VPS13D: variants seen among roughly 807,000 people sequenced by gnomAD.
The protein encoded by VPS13D is vacuolar protein sorting 13 homolog D, also known as intermembrane lipid transfer protein VPS13D.
VPS13D carries 187 observed loss-of-function variants against 461.9 expected under a neutral mutation model. That is an observed-to-expected ratio of 0.40 (90% CI 0.36 to 0.46). The LOEUF is 0.46. Ranked by LOEUF, VPS13D falls within the 20% of genes least tolerant of loss-of-function variation. VPS13D has a pLI of 0.60. For missense variants in VPS13D, 4,711 were observed against 5,364.9 expected (o/e 0.88, Z 3.81); for synonymous variants, 1,951 against 1,986.3 (o/e 0.98, Z 0.47).
chr1:12,425,159 T>C (rs979144542), intron 65 of VPS13D, among the ~76,000 whole-genome samples: 1 of 152,144 alleles, frequency 6.6e-6, no homozygotes, highest in South Asian at 2.1e-4. Flanking sequence ...TCTTTCTACC[T>C]TATAATTGTT....
At chr1:12,341,424 A>G (rs560448467) in intron 40 of VPS13D, among the ~76,000 whole-genome samples, 58 of 152,196 alleles carry the variant, frequency 3.8e-4, no homozygotes, top group Non-Finnish European at 7.8e-4. Context: ...CATATGATAT[A>G]TCTTGCTACA....
intron 65 of VPS13D, among the ~76,000 whole-genome samples, chr1:12,438,837 C>G (rs1174114563): frequency 1.3e-5 from 2 of 152,204 alleles, no homozygotes; most frequent in Non-Finnish European, 2.9e-5. Context: ...ATAGCGCTAG[C>G]CACTTCATAG....
At chr1:12,365,433 T>A (rs1644020271) in intron 52 of VPS13D, among the ~76,000 whole-genome samples, 1 of 152,318 alleles carries the variant, frequency 6.6e-6, no homozygotes, top group African/African-American at 2.4e-5. Flanking sequence ...AGGCCGGGCA[T>A]GGTGGCTCAC....
intron 40 of VPS13D, among the ~76,000 whole-genome samples, chr1:12,339,510 C>T (rs1643521619): frequency 6.6e-6 from 1 of 152,128 alleles, no homozygotes; most frequent in African/African-American, 2.4e-5. Context: ...ATACGGGTAG[C>T]TTTAGACTCT....
At chr1:12,395,725 C>T (rs545773162) in intron 60 of VPS13D, among the ~76,000 whole-genome samples, 9 of 152,024 alleles carry the variant, frequency 5.9e-5, no homozygotes, top group African/African-American at 2.2e-4. Flanking sequence ...AAATCCTTGC[C>T]TCTCATGAGC....
Position 12,283,731 on chromosome 1 carries a change from C to T in VPS13D, c.5629C>T (p.Leu1877Phe). 1 of 1,611,236 alleles carries T rather than the reference C, an allele frequency of 6.2e-7. No homozygotes were observed. Among genetic ancestry groups the T allele is most frequent in the South Asian group, 1.1e-5 (1 of 90,960 alleles). ...LQDPVNTKLD[L>F]KVHSLSLVLN... ...GGATCCAGTGAACACCAAACTGGAT[C>T]TCAAGGTATCCTCAGTTCCCTTTGG... The change falls in exon 21 of 70, where the codon CTC becomes TTC. Residue 1877 changes from leucine to phenylalanine, a missense_variant. Coordinates refer to ENST00000620676, the MANE Select transcript of VPS13D (RefSeq NM_015378.4).
At position 12,460,304 on chromosome 1, in the gene VPS13D, T is replaced by G. The variant is rs1645392449; in HGVS notation, c.12570T>G (p.Val4190=). The stretch of plus-strand genomic sequence containing the variant: ...TATCTGGCCTTGGAAAAGGGCTTGT[T>G]GGCACTGTAACCAAGCCAGTGGCAG... The part of the protein sequence containing the change: ...GFISGLGKGL[V]GTVTKPVAGA... Residue 4190 remains valine, a synonymous_variant, in exon 67 of 70, where the codon GTT becomes GTG. Transcript: ENST00000620676. The G allele has an allele frequency of 3.1e-6, 5 of 1,612,638 alleles. No individual in the cohort carries two copies. The highest frequency in any genetic ancestry group is 4.2e-6 in the Non-Finnish European group (5 of 1,179,324).
At chr1:12,275,801 G>T (rs1462155970) in intron 18 of VPS13D, 24 bp from the exon 19 acceptor site, 2 of 1,540,022 alleles carry the variant, frequency 1.3e-6, no homozygotes, top group Non-Finnish European at 1.7e-6. Flanking sequence ...ACATATATTT[G>T]AATCTTCTTT....
rs1333342021 is a variant in VPS13D, at chr1:12,346,602, C to T, written c.9022-3C>T. 1 of 1,612,358 alleles carries T rather than the reference C, an allele frequency of 6.2e-7. No individual in the cohort carries two copies. The highest frequency in any genetic ancestry group is 8.5e-7 in the Non-Finnish European group (1 of 1,179,500). On this transcript the variant is annotated splice_region_variant and splice_polypyrimidine_tract_variant and intron_variant, in intron 43 of 69. Transcript: ENST00000620676. ...TGACTCTAACTTTTGAAATCTTTTT[C>T]AGATTGGCAGCCCAAGCAGCAGAAC...
intron 8 of VPS13D, 131 bp downstream of exon 8, chr1:12,256,634 G>GT: frequency 9.8e-7 from 1 of 1,015,596 alleles, no homozygotes; most frequent in East Asian, 2.7e-5. Flanking sequence ...CTAAAGTTGT[G>GT]TTAGGTATAA....
intron 6 of VPS13D, among the ~76,000 whole-genome samples, chr1:12,250,094 G>A (rs558971955): frequency 6.6e-6 from 1 of 152,286 alleles, no homozygotes; most frequent in South Asian, 2.1e-4. Context: ...ACTTACATTT[G>A]CTGGTTTATA....
chr1:12,301,738 CT>C (rs1338273070), intron 25 of VPS13D, among the ~76,000 whole-genome samples: 2 of 152,190 alleles, frequency 1.3e-5, no homozygotes, highest in African/African-American at 4.8e-5. Context: ...AGTTCCAACC[CT>C]CTAATCACAC....
At chr1:12,238,277 A>AT (rs1640228880) in intron 2 of VPS13D, among the ~76,000 whole-genome samples, 2 of 142,302 alleles carry the variant, frequency 1.4e-5, no homozygotes, top group Admixed American at 7.2e-5. Flanking sequence ...AAATACATAC[A>AT]TATATATGTA....
chr1:12,457,905 C>T (rs1001320444), intron 66 of VPS13D, among the ~76,000 whole-genome samples: 2 of 152,200 alleles, frequency 1.3e-5, no homozygotes, highest in African/African-American at 2.4e-5. Flanking sequence ...ATCATTCTTT[C>T]TCGTAATGGT....
chr1:12,297,864 C>T (rs535031215), intron 24 of VPS13D, among the ~76,000 whole-genome samples: 8 of 152,248 alleles, frequency 5.3e-5, no homozygotes, highest in African/African-American at 1.2e-4. Flanking sequence ...AGGCGGTGGT[C>T]GGCAGATGTG....
chr1:12,459,237 A>T (rs1036857578), intron 66 of VPS13D, among the ~76,000 whole-genome samples: 29 of 152,250 alleles, frequency 1.9e-4, no homozygotes, highest in African/African-American at 6.7e-4. Flanking sequence ...TACTGTATTG[A>T]CTCCACACAA....
intron 60 of VPS13D, among the ~76,000 whole-genome samples, chr1:12,392,563 A>G (rs1223917642): frequency 6.6e-6 from 1 of 151,142 alleles, no homozygotes; most frequent in Non-Finnish European, 1.5e-5. Context: ...AAAAAAAAAA[A>G]AGAAAGCACA....
At chr1:12,283,825 A>C in intron 21 of VPS13D, 89 bp downstream of exon 21, 1 of 1,320,204 alleles carries the variant, frequency 7.6e-7, no homozygotes, top group South Asian at 1.5e-5. Context: ...TTTACTTTGG[A>C]AAATATCTCT....
intron 67 of VPS13D, among the ~76,000 whole-genome samples, chr1:12,482,771 A>G (rs1645739820): frequency 6.7e-6 from 1 of 149,674 alleles, no homozygotes; most frequent in African/African-American, 2.5e-5. Flanking sequence ...TAGTATACAT[A>G]TATGTATACA....
Sources: gnomAD v4.1 joint callset for allele counts (sites outside exome capture counted in the v4.1 genomes callset) on GRCh38, gnomAD v4.1.1 for gene constraint, MANE v1.5 for transcripts, NCBI Gene and HGNC (gene_info 2026-07-23, HGNC 2026-07-21) for gene names.